The following MYLK variants were observed in gnomAD, a reference collection of about 807,000 sequenced individuals.
The protein encoded by MYLK is myosin light chain kinase.
MYLK carries 106 observed loss-of-function variants against 203.4 expected under a neutral mutation model. The ratio of observed to expected loss-of-function variants is 0.52; its 90% CI spans 0.45 to 0.61. MYLK has a LOEUF of 0.61. Among genes scored for constraint, MYLK ranks in the 20% least tolerant of loss-of-function variants. The pLI is 0.00. For synonymous variants in MYLK, 867 were observed against 959.5 expected (o/e 0.90, Z 1.78); for missense variants, 2,072 against 2,442.3 (o/e 0.85, Z 3.20).
intron 33 of MYLK, among the ~76,000 whole-genome samples, chr3:123,615,626 T>G (rs2057438755): frequency 6.9e-6 from 1 of 145,450 alleles, no homozygotes; most frequent in Non-Finnish European, 1.5e-5. Context: ...GAGCTACCTG[T>G]GCTCGGCCGA....
At position 123,700,692 on chromosome 3, in the gene MYLK, G is replaced by C; in HGVS notation, c.2776C>G (p.Arg926Gly). 6.2e-7 allele frequency: 1 copy of C among 1,614,086 alleles called. No individual in the cohort carries two copies. Among genetic ancestry groups the C allele is most frequent in the Non-Finnish European group, 8.5e-7 (1 of 1,180,012 alleles). The change falls in exon 18 of 34, where the codon CGT becomes GGT. Residue 926 changes from arginine to glycine, a missense_variant. Arg to Gly is a moderately radical substitution (Grantham distance 125). Around this residue, in one of 3 missense-constraint regions of MYLK, gnomAD observed 865 missense variants for 1,016.0 expected, o/e 0.85. Transcript: ENST00000360304. The stretch of plus-strand genomic sequence containing the variant: ...TTCACTTGCCGCTGCAGGTTGGCAC[G>C]GAAATCCATCTGCTCGGCTGGGATC... The part of the protein sequence containing the change: ...KEIPAEQMDF[R>G]ANLQRQVKPK...
chr3:123,702,885 T>C (rs1393766107), intron 16 of MYLK, among the ~76,000 whole-genome samples: 1 of 152,182 alleles, frequency 6.6e-6, no homozygotes, highest in Non-Finnish European at 1.5e-5. Flanking sequence ...CAGAGCTTGC[T>C]AGTGGAGGGA....
intron 18 of MYLK, among the ~76,000 whole-genome samples, chr3:123,695,599 C>A (rs1231299148): frequency 6.6e-6 from 1 of 152,150 alleles, no homozygotes; most frequent in Non-Finnish European, 1.5e-5. Flanking sequence ...ATTATGCACA[C>A]AACAAAGGGC....
At chr3:123,884,170 C>T (rs2033712784) in intron 1 of MYLK, 36 bp downstream of exon 1, 1 of 151,704 alleles carries the variant, frequency 6.6e-6, no homozygotes, top group Admixed American at 6.6e-5. Context: ...TTCCAGGGCC[C>T]GCGCCTGGAC....
chr3:123,868,247 A>G (rs1483524165), intron 2 of MYLK, among the ~76,000 whole-genome samples: 2 of 152,182 alleles, frequency 1.3e-5, no homozygotes, highest in Non-Finnish European at 2.9e-5. Context: ...ATATGGAACA[A>G]AGGCAAAAAA....
At chr3:123,647,515 G>T in intron 26 of MYLK, 88 bp from the exon 27 acceptor site, 1 of 1,125,846 alleles carries the variant, frequency 8.9e-7, no homozygotes, top group African/African-American at 1.5e-5. Context: ...CCATGGGACA[G>T]ATCTGGCCCA....
chr3:123,616,852 C>T (rs1428915510), intron 33 of MYLK: 2 of 152,148 alleles, frequency 1.3e-5, no homozygotes, highest in African/African-American at 4.8e-5. Context: ...GATACTGGCA[C>T]CAAGCCAAAT....
At chr3:123,857,676 T>A (rs980930512) in intron 2 of MYLK, among the ~76,000 whole-genome samples, 1 of 148,564 alleles carries the variant, frequency 6.7e-6, no homozygotes, top group Non-Finnish European at 1.5e-5. Flanking sequence ...AGGGATAGCA[T>A]TGGGAGATAT....
intron 23 of MYLK, among the ~76,000 whole-genome samples, chr3:123,658,493 A>G (rs1233264448): frequency 6.6e-6 from 1 of 152,206 alleles, no homozygotes; most frequent in Non-Finnish European, 1.5e-5. Context: ...AGTTACAGAT[A>G]TCTGTGTTGT....
chr3:123,706,118 C>T (rs959344671), intron 16 of MYLK, among the ~76,000 whole-genome samples: 1 of 152,206 alleles, frequency 6.6e-6, no homozygotes, highest in Non-Finnish European at 1.5e-5. Context: ...TTGACCACAA[C>T]AGACATGTCA....
chr3:123,832,235 C>G (rs1221236754), intron 2 of MYLK, among the ~76,000 whole-genome samples: 1 of 152,198 alleles, frequency 6.6e-6, no homozygotes, highest in African/African-American at 2.4e-5. Context: ...CAGCACCACA[C>G]CAAGGTGGAA....
intron 31 of MYLK, chr3:123,624,072 A>G (rs2058012075): frequency 2.0e-5 from 3 of 152,160 alleles, no homozygotes; most frequent in Admixed American, 6.5e-5. Flanking sequence ...TGGGCACTCA[A>G]CACTTCGGGC....
chr3:123,805,665 G>A (rs899481409), intron 3 of MYLK, among the ~76,000 whole-genome samples: 2 of 152,202 alleles, frequency 1.3e-5, no homozygotes, highest in African/African-American at 4.8e-5. Context: ...AGTGGTGACT[G>A]CAAGACAGAG....
intron 27 of MYLK, 31 bp downstream of exon 27, chr3:123,647,193 G>A (rs1310547771): frequency 6.2e-7 from 1 of 1,607,702 alleles, no homozygotes; most frequent in East Asian, 2.2e-5. Context: ...GCTCCCTGTG[G>A]TGCCCACGCT....
Position 123,648,875 on chromosome 3 carries a change from C to T in MYLK, c.4415+96G>A. On this transcript the variant is annotated intron_variant, in intron 26 of 33. Transcript: ENST00000360304. This position sits in a 1 kb window ranked among gnomAD's most constrained non-coding sequence, Gnocchi z 4.5. The stretch of plus-strand genomic sequence containing the variant: ...TCTCAGTCTGGGGAGGAGGCAGGCC[C>T]CAGGGAGCAACAGGAAGCTGAGGCA... 9.5e-7 allele frequency: 1 copy of T among 1,054,046 alleles called. No individual in the cohort carries two copies. The highest frequency in any genetic ancestry group is 1.7e-5 in the Admixed American group (1 of 57,960). 65.3% of individuals were successfully genotyped at this position (1,054,046 alleles called of 1,614,324 possible).
At chr3:123,737,212 C>CT (rs199616192) in intron 8 of MYLK, 166 bp downstream of exon 8, 41,335 of 708,282 alleles carry the variant, frequency 0.058, 7,819 homozygotes, top group East Asian at 0.55. Flanking sequence ...GAGCAAGACT[C>CT]TGTCTGAAGA....
chr3:123,832,440 T>G (rs1480059351), intron 2 of MYLK, among the ~76,000 whole-genome samples: 2 of 152,204 alleles, frequency 1.3e-5, no homozygotes, highest in African/African-American at 4.8e-5. Flanking sequence ...CCCATCCAGA[T>G]GGTGTGTTAA....
chr3:123,748,049 A>AT (rs546687754), intron 5 of MYLK, among the ~76,000 whole-genome samples: 3,241 of 152,264 alleles, frequency 0.021, 63 homozygotes, highest in Non-Finnish European at 0.035. Flanking sequence ...AAAGAGGTTT[A>AT]TTTGGCTTGT....
intron 2 of MYLK, among the ~76,000 whole-genome samples, chr3:123,869,906 A>C (rs2032637565): frequency 6.6e-6 from 1 of 150,446 alleles, no homozygotes. Flanking sequence ...AAAATTGGCT[A>C]AGATGGACGA....
Sources: gnomAD v4.1 joint callset for allele counts (sites outside exome capture counted in the v4.1 genomes callset) on GRCh38, gnomAD v4.1.1 for gene constraint, gnomAD v4.1.1 regional missense constraint, Gnocchi (gnomAD v3.1) non-coding constraint, MANE v1.5 for transcripts, NCBI Gene and HGNC (gene_info 2026-07-23, HGNC 2026-07-21) for gene names.